The following PDCD11 variants were observed in gnomAD, a reference collection of about 807,000 sequenced individuals.
PDCD11 encodes the protein programmed cell death 11.
PDCD11 carries 97 observed loss-of-function variants against 198.9 expected under a neutral mutation model. The observed-to-expected ratio is 0.49, with a 90% CI of 0.41 to 0.58. The LOEUF is 0.58. Among genes scored for constraint, PDCD11 ranks in the 20% least tolerant of loss-of-function variants. PDCD11 has a pLI of 0.00. For synonymous variants in PDCD11, 893 were observed against 918.0 expected (o/e 0.97, Z 0.49); for missense variants, 2,102 against 2,312.7 (o/e 0.91, Z 1.87).
At chr10:103,401,824 G>A (rs1241775715) in intron 3 of PDCD11, among the ~76,000 whole-genome samples, 1 of 150,824 alleles carries the variant, frequency 6.6e-6, no homozygotes, top group South Asian at 2.1e-4. Context: ...CTCACTGCAA[G>A]CTCCGCCTCC....
rs7099501 is a variant in PDCD11, at chr10:103,419,423, G to A, written c.2107-115G>A. ...TGCTGGTCTGCACACTTAGAGAATCGCTGTAGCAGCAGAGATCAGCCTGCA... is the reference window on the plus strand; with the variant it reads ...TGCTGGTCTGCACACTTAGAGAATCACTGTAGCAGCAGAGATCAGCCTGCA... On this transcript the variant is annotated intron_variant, in intron 15 of 35. Coordinates refer to ENST00000369797, the MANE Select transcript of PDCD11 (RefSeq NM_014976.2). 1.4e-4 allele frequency: 165 copies of A among 1,140,774 alleles called. No individual in the cohort carries two copies. In the African/African-American group the frequency reaches 2.2e-3, roughly 15 times the overall value. 70.7% of individuals were successfully genotyped at this position (1,140,774 alleles called of 1,614,324 possible).
intron 29 of PDCD11, 75 bp from the exon 30 acceptor site, chr10:103,440,659 C>G: frequency 4.3e-6 from 7 of 1,612,330 alleles, no homozygotes; most frequent in Non-Finnish European, 5.9e-6. Flanking sequence ...ACAGGGCACC[C>G]AGTGGGGCCG....
At chr10:103,438,567 C>A in intron 26 of PDCD11, 119 bp from the exon 27 acceptor site, 1 of 1,350,134 alleles carries the variant, frequency 7.4e-7, no homozygotes, top group South Asian at 1.4e-5. Context: ...AAGGTTATAT[C>A]CTGCTGACAG....
Position 103,400,521 on chromosome 10 carries a change from G to A in PDCD11, c.227G>A (p.Ser76Asn). 6.2e-7 allele frequency: 1 copy of A among 1,612,238 alleles called. No individual in the cohort carries two copies. Among genetic ancestry groups the A allele is most frequent in the Non-Finnish European group, 8.5e-7 (1 of 1,179,558 alleles). Residue 76 changes from serine to asparagine, a missense_variant, in exon 3 of 36, where the codon AGT (serine) becomes AAT (asparagine). Physicochemically the swap from Ser to Asn is conservative, Grantham distance 46. Coordinates refer to ENST00000369797, the MANE Select transcript of PDCD11 (RefSeq NM_014976.2). ...GCAAGAGAGAAGTTTGAAATCCTTA[G>A]TGTTGAGGTTTGTTAAAGTTGGTTT... ...KSAREKFEIL[S>N]VESLCEGMRI...
In PDCD11 at chr10:103,434,896, G is replaced by C. The variant is rs1467729033; in HGVS notation, c.3766G>C (p.Gly1256Arg). 6.2e-7 allele frequency: 1 copy of C among 1,612,726 alleles called. No individual in the cohort carries two copies. The highest frequency in any genetic ancestry group is 1.7e-5 in the Admixed American group (1 of 59,882). Residue 1256 changes from glycine to arginine, a missense_variant, in exon 25 of 36, where the codon GGA becomes CGA. Gly to Arg is a moderately radical substitution (Grantham distance 125). Transcript: ENST00000369797. The part of the protein sequence containing the change: ...LTVSFPFGKI[G>R]TVSIFHMSDS... ...CGTCTCCTTCCCCTTTGGGAAGATAGGAACAGTCAGTATATTTCACATGAG... is the reference window on the plus strand; with the variant it reads ...CGTCTCCTTCCCCTTTGGGAAGATACGAACAGTCAGTATATTTCACATGAG...
chr10:103,401,082 G>A (rs553949989), intron 3 of PDCD11, among the ~76,000 whole-genome samples: 3 of 152,044 alleles, frequency 2.0e-5, no homozygotes, highest in South Asian at 2.1e-4. Flanking sequence ...TAAAGCTGTC[G>A]TGGGCTTGTT....
At chr10:103,420,906 C>T (rs1367178170) in intron 16 of PDCD11, among the ~76,000 whole-genome samples, 4 of 150,388 alleles carry the variant, frequency 2.7e-5, no homozygotes, top group Admixed American at 1.3e-4. Flanking sequence ...GATGGAGTCT[C>T]ACTCTGTCGC....
rs558901427 is a variant in PDCD11, at chr10:103,409,221, A to G, written c.871-478A>G. Among the ~76,000 whole-genome samples the G allele has an allele frequency of 6.6e-5, 10 of 151,914 alleles. No individual in the cohort carries two copies. In the South Asian group the frequency reaches 8.3e-4, roughly 13 times the overall value. On this transcript the variant is annotated intron_variant, in intron 7 of 35. Transcript: ENST00000369797. ...GATTTCATTCATCTCCCTCACCACT[A>G]TCTTTTGAGGGGATTGTTACTTTTC...
At chr10:103,428,060 C>T (rs1026493748) in intron 21 of PDCD11, among the ~76,000 whole-genome samples, 3 of 152,162 alleles carry the variant, frequency 2.0e-5, no homozygotes, top group East Asian at 1.9e-4. Context: ...AATCCCAGCA[C>T]TTTTGGAGGC....
chr10:103,417,767 C>T (rs1201720333), intron 13 of PDCD11, 25 bp from the exon 14 acceptor site: 31 of 1,610,604 alleles, frequency 1.9e-5, no homozygotes, highest in Non-Finnish European at 2.6e-5. Flanking sequence ...GAGGAGTTGG[C>T]CAAGCCTGTG....
rs2133751403 is a variant in PDCD11 at position 103,440,716 on chromosome 10, T to C, written c.4441-18T>C. The C allele has an allele frequency of 6.2e-7, 1 of 1,613,956 alleles. No homozygotes were observed. The highest frequency in any genetic ancestry group is 1.7e-5 in the Admixed American group (1 of 60,028). On this transcript the variant is annotated intron_variant, in intron 29 of 35. Transcript: ENST00000369797. ...TGCAGGAGGATGCTCCTAGGCATTC[T>C]CCCACCTGGCCTCTCAGGAAAGAGT...
At chr10:103,421,005 A>G in intron 16 of PDCD11, among the ~76,000 whole-genome samples, 1 of 151,882 alleles carries the variant, frequency 6.6e-6, no homozygotes. Flanking sequence ...CCTCCCGAGT[A>G]GCTGGAATTG....
At chr10:103,414,847 G>A (rs903651461) in intron 11 of PDCD11, among the ~76,000 whole-genome samples, 158 bp from the exon 12 acceptor site, 4 of 152,248 alleles carry the variant, frequency 2.6e-5, no homozygotes, top group Non-Finnish European at 5.9e-5. Context: ...ATCCAGCTCA[G>A]TGTGGGGTGT....
rs752087455 is a variant in PDCD11, at chr10:103,406,795, G to A, written c.870+5G>A. 6.2e-7 allele frequency: 1 copy of A among 1,601,828 alleles called. No individual in the cohort carries two copies. Among genetic ancestry groups the A allele is most frequent in the South Asian group, 1.1e-5 (1 of 89,512 alleles). On this transcript the variant is annotated splice_donor_5th_base_variant and intron_variant, in intron 7 of 35. Coordinates refer to ENST00000369797, the MANE Select transcript of PDCD11 (RefSeq NM_014976.2). ...GTCAAAGCTCAGGTACAGAAGGTAA[G>A]CTGTTATGCTACTACTACTTTTTAA...
intron 20 of PDCD11, among the ~76,000 whole-genome samples, chr10:103,426,669 C>T (rs904600166): frequency 6.6e-6 from 1 of 151,852 alleles, no homozygotes; most frequent in African/African-American, 2.4e-5. Flanking sequence ...GCCTGTAGTC[C>T]CAGCTACTCG....
At chr10:103,415,698 T>C (rs2031068939) in intron 12 of PDCD11, among the ~76,000 whole-genome samples, 1 of 152,242 alleles carries the variant, frequency 6.6e-6, no homozygotes, top group Non-Finnish European at 1.5e-5. Context: ...ATGACAATAA[T>C]GTTTTCTAGA....
chr10:103,426,329 G>A (rs935524937), intron 20 of PDCD11, among the ~76,000 whole-genome samples: 3 of 152,264 alleles, frequency 2.0e-5, no homozygotes, highest in African/African-American at 7.2e-5. Context: ...AGCAAAAAAA[G>A]AATTCAAAGT....
chr10:103,399,817 A>G (rs2093454990), intron 2 of PDCD11: 1 of 152,040 alleles, frequency 6.6e-6, no homozygotes, highest in African/African-American at 2.4e-5. Flanking sequence ...CCTCCCGAGT[A>G]CCTGGGACTA....
chr10:103,406,126 G>A lies in PDCD11; in HGVS notation c.688+18G>A, dbSNP rs374242242. ...GAACAAAGGTGAGGGCAAGAAAAGG[G>A]GCCAGTACATGGTGGTGAGGTGGTA... On this transcript the variant is annotated intron_variant, in intron 6 of 35. Coordinates refer to ENST00000369797, the MANE Select transcript of PDCD11 (RefSeq NM_014976.2). 9 of 1,613,630 alleles carry A rather than the reference G, an allele frequency of 5.6e-6. No individual in the cohort carries two copies. Among genetic ancestry groups the A allele is most frequent in the Non-Finnish European group, 7.6e-6 (9 of 1,179,720 alleles).
Sources: allele counts gnomAD v4.1 joint callset (sites outside exome capture counted in the v4.1 genomes callset), GRCh38; gene constraint gnomAD v4.1.1; transcripts MANE v1.5; gene names NCBI Gene and HGNC (gene_info 2026-07-23, HGNC 2026-07-21).